The following ACTR3C variants were observed in gnomAD, a reference collection of about 807,000 sequenced individuals.
The protein encoded by ACTR3C is actin related protein 3C, also known as actin-related protein 3C.
A neutral mutation model predicts 26.3 loss-of-function variants in ACTR3C; 18 were observed. That is an observed-to-expected ratio of 0.68 (90% CI 0.47 to 1.01). The LOEUF is 1.01. ACTR3C is among the 50% of genes least tolerant of loss of function. The pLI is 0.00. For synonymous variants in ACTR3C, 55 were observed against 94.5 expected, an observed-to-expected ratio of 0.58 and a Z score of 2.42; for missense variants, 184 against 250.7, an observed-to-expected ratio of 0.73 and a Z score of 1.80.
At position 150,274,572 on chromosome 7, in the gene ACTR3C, T is replaced by C. The variant is rs2530939; in HGVS notation, c.564+10181A>G. 4.4e-4 allele frequency among the ~76,000 whole-genome samples: 67 copies of C among 152,266 alleles called. No homozygotes were observed. The highest frequency in any genetic ancestry group is 1.3e-3 in the African/African-American group (54 of 41,552). Reference sequence around the variant, plus strand: ...GTAGTAATATCTATCACATATCAAGTACTACACTTCAGCCTGTGTAAGGGT... The same window carrying C: ...GTAGTAATATCTATCACATATCAAGCACTACACTTCAGCCTGTGTAAGGGT... On this transcript the variant is annotated intron_variant, in intron 6 of 7. Coordinates refer to ENST00000683684, the MANE Select transcript of ACTR3C (RefSeq NM_001164458.2). The surrounding 1 kb of genome is among the most constrained non-coding windows in gnomAD (Gnocchi z 4.1).
chr7:150,110,673 C>T, the ACTR3C span, among the ~76,000 whole-genome samples: 68 of 55,690 alleles, frequency 1.2e-3, no homozygotes, highest in East Asian at 0.023. Flanking sequence ...TGTCTGAGGG[C>T]GGGGATGATC....
chr7:150,172,267 G>A, the ACTR3C span, among the ~76,000 whole-genome samples: 1 of 150,612 alleles, frequency 6.6e-6, no homozygotes, highest in Non-Finnish European at 1.5e-5. Flanking sequence ...AGAAAAGGAG[G>A]TTTAATTGGA....
chr7:149,951,441 AT>A, the ACTR3C span, among the ~76,000 whole-genome samples: 1 of 147,624 alleles, frequency 6.8e-6, no homozygotes, highest in Non-Finnish European at 1.5e-5. Flanking sequence ...GCTGGGCTAT[AT>A]TTCTTTCTTG....
chr7:150,251,972 A>G (rs1832882994), intron 6 of ACTR3C, among the ~76,000 whole-genome samples: 1 of 152,222 alleles, frequency 6.6e-6, no homozygotes, highest in African/African-American at 2.4e-5. Flanking sequence ...CATAGAAACC[A>G]TAGTCCAGCG....
chr7:150,257,219 G>T (rs1229925358), intron 6 of ACTR3C, among the ~76,000 whole-genome samples: 1 of 152,226 alleles, frequency 6.6e-6, no homozygotes, highest in Non-Finnish European at 1.5e-5. Flanking sequence ...ACTGAGGGCT[G>T]TTGAGTCGTT....
the ACTR3C span, chr7:150,076,606 G>A: frequency 6.6e-6 from 1 of 151,998 alleles, no homozygotes; most frequent in Middle Eastern, 3.2e-3. Context: ...TTCCTCTCCT[G>A]GCAGATTGAG....
At chr7:150,284,123 A>G (rs1490965375) in intron 6 of ACTR3C, among the ~76,000 whole-genome samples, 11 of 152,198 alleles carry the variant, frequency 7.2e-5, no homozygotes, top group African/African-American at 1.7e-4. Context: ...AACGAAACCA[A>G]TGGAATTCAC....
the ACTR3C span, among the ~76,000 whole-genome samples, chr7:150,221,268 GT>G: frequency 8.9e-5 from 13 of 146,510 alleles, no homozygotes; most frequent in African/African-American, 2.0e-4. Context: ...CTTCCCAAGA[GT>G]TTTTTTTTCT....
the ACTR3C span, among the ~76,000 whole-genome samples, chr7:149,889,745 C>A: frequency 2.6e-5 from 4 of 152,156 alleles, no homozygotes; most frequent in Admixed American, 2.0e-4. Context: ...GTGGTCCGAG[C>A]TACTCAGGAG....
At chr7:150,059,265 A>G in the ACTR3C span, among the ~76,000 whole-genome samples, 374 of 152,372 alleles carry the variant, frequency 2.5e-3, 1 homozygote, top group African/African-American at 8.5e-3. Flanking sequence ...CAGTTGTTAC[A>G]GAGGGGAAAC....
At chr7:149,994,546 G>A in the ACTR3C span, among the ~76,000 whole-genome samples, 9 of 152,212 alleles carry the variant, frequency 5.9e-5, no homozygotes, top group Admixed American at 4.6e-4. Context: ...GCAGTGAGCC[G>A]AGACTGTGCC....
At chr7:149,985,250 A>ACACACACACCCC in the ACTR3C span, among the ~76,000 whole-genome samples, 8 of 149,424 alleles carry the variant, frequency 5.4e-5, no homozygotes, top group African/African-American at 2.0e-4. Flanking sequence ...ACACACACAC[A>ACACACACACCCC]CACACGAAAC....
the ACTR3C span, among the ~76,000 whole-genome samples, chr7:149,973,318 A>G: frequency 6.6e-6 from 1 of 152,200 alleles, no homozygotes; most frequent in Non-Finnish European, 1.5e-5. Context: ...ATAGAATTAG[A>G]TCTGGGAGAA....
chr7:149,890,207 C>T, the ACTR3C span, among the ~76,000 whole-genome samples: 10 of 151,956 alleles, frequency 6.6e-5, no homozygotes, highest in Admixed American at 2.6e-4. Flanking sequence ...AAATCCAAAC[C>T]TAAATTATGC....
At chr7:150,038,952 C>G in the ACTR3C span, among the ~76,000 whole-genome samples, 4 of 97,484 alleles carry the variant, frequency 4.1e-5, 1 homozygote, top group South Asian at 1.2e-3. Context: ...TCAGTCCCCA[C>G]TCTTGTGGTG....
the ACTR3C span, among the ~76,000 whole-genome samples, chr7:149,921,148 T>C: frequency 6.6e-6 from 1 of 152,210 alleles, no homozygotes; most frequent in Non-Finnish European, 1.5e-5. Context: ...ATATTAATAT[T>C]ATATGATCTT....
chr7:150,085,299 G>T, the ACTR3C span, among the ~76,000 whole-genome samples: 1 of 152,130 alleles, frequency 6.6e-6, no homozygotes, highest in East Asian at 1.9e-4. Context: ...AGCTCATCCA[G>T]GAATACAATG....
At chr7:150,004,900 TACAC>T in the ACTR3C span, 1 of 152,222 alleles carries the variant, frequency 6.6e-6, no homozygotes, top group Non-Finnish European at 1.5e-5. Context: ...ACAGAGCAAC[TACAC>T]ACACTGGAGG....
intron 3 of ACTR3C, among the ~76,000 whole-genome samples, chr7:150,292,146 GA>G (rs1836317276): frequency 6.7e-6 from 1 of 150,010 alleles, no homozygotes; most frequent in African/African-American, 2.5e-5. Flanking sequence ...CATTTTAAAA[GA>G]GCTGTGTGTA....
Sources: gnomAD v4.1 joint callset for allele counts (sites outside exome capture counted in the v4.1 genomes callset) on GRCh38, gnomAD v4.1.1 for gene constraint, Gnocchi (gnomAD v3.1) non-coding constraint, MANE v1.5 for transcripts, NCBI Gene and HGNC (gene_info 2026-07-23, HGNC 2026-07-21) for gene names.